Variants in UPP2 observed in about 807,000 individuals in gnomAD.
UPP2 encodes uridine phosphorylase 2, also known as UPase 2.
UPP2 carries 23 observed loss-of-function variants against 26.7 expected under a neutral mutation model. That is an observed-to-expected ratio of 0.86 (90% CI 0.62 to 1.22). The LOEUF is 1.22. Ranked by LOEUF, UPP2 falls within the 50% of genes most tolerant of loss-of-function variation. The pLI, the probability that UPP2 is intolerant of heterozygous loss-of-function variation, is 0.00. For synonymous variants in UPP2, 127 were observed against 141.3 expected, an observed-to-expected ratio of 0.90 and a Z score of 0.72; for missense variants, 387 against 396.7, an observed-to-expected ratio of 0.98 and a Z score of 0.21.
chr2:158,001,585 G>A (rs1445953327), intron 2 of UPP2, among the ~76,000 whole-genome samples: 1 of 152,194 alleles, frequency 6.6e-6, no homozygotes. Context: ...TTGGGGCACA[G>A]AGAAGAGTGA....
At chr2:158,078,838 T>C (rs886512756) in intron 3 of UPP2, among the ~76,000 whole-genome samples, 1 of 152,172 alleles carries the variant, frequency 6.6e-6, no homozygotes, top group African/African-American at 2.4e-5. Flanking sequence ...CCGTTTACCC[T>C]GATGTGGTTA....
intron 4 of UPP2, 22 bp downstream of exon 4, chr2:158,117,960 T>C: frequency 6.4e-7 from 1 of 1,566,466 alleles, no homozygotes; most frequent in Non-Finnish European, 8.8e-7. Context: ...TGATGTCTAC[T>C]ATTAGAACTG....
intron 3 of UPP2, among the ~76,000 whole-genome samples, chr2:158,025,690 A>G (rs1352294473): frequency 6.6e-6 from 1 of 152,228 alleles, no homozygotes; most frequent in Non-Finnish European, 1.5e-5. Context: ...CCAGCAGAGA[A>G]TGCTGGGGAC....
At chr2:158,035,446 G>A (rs1179925489) in intron 3 of UPP2, among the ~76,000 whole-genome samples, 7 of 152,120 alleles carry the variant, frequency 4.6e-5, no homozygotes, top group Admixed American at 2.0e-4. Flanking sequence ...GAGCCACCGC[G>A]CCCGGCCAAG....
Position 158,002,371 on chromosome 2 carries a change from G to A in UPP2, c.61+7112G>A, listed in dbSNP as rs955438486. Among the ~76,000 whole-genome samples the A allele has an allele frequency of 1.6e-4, 25 of 152,332 alleles. 1 individual carries two copies. Among genetic ancestry groups the A allele is most frequent in the East Asian group, 1.9e-4 (1 of 5,178 alleles). On this transcript the variant is annotated intron_variant, in intron 2 of 9. Coordinates refer to the UPP2 transcript ENST00000605860. Reference sequence around the variant, plus strand: ...TGCTGTGGAAGATGAACCAGGGGCCGAGCAGCTACCCATTATCACAGTTAG... The same window carrying A: ...TGCTGTGGAAGATGAACCAGGGGCCAAGCAGCTACCCATTATCACAGTTAG...
intron 2 of UPP2, among the ~76,000 whole-genome samples, chr2:158,004,555 G>T (rs991914427): frequency 6.6e-6 from 1 of 152,206 alleles, no homozygotes; most frequent in East Asian, 1.9e-4. Context: ...GCTGCGACCA[G>T]TCACTATTCA....
chr2:158,108,832 C>G (rs1683249917), intron 2 of UPP2, among the ~76,000 whole-genome samples: 1 of 151,484 alleles, frequency 6.6e-6, no homozygotes, highest in Non-Finnish European at 1.5e-5. Context: ...CATGTTTTAT[C>G]CCATCAAACA....
At chr2:158,064,392 C>T (rs1037875757) in intron 3 of UPP2, among the ~76,000 whole-genome samples, 2 of 151,026 alleles carry the variant, frequency 1.3e-5, no homozygotes, top group African/African-American at 2.4e-5. Flanking sequence ...ACATGAATAT[C>T]TTCTTTTGAG....
At chr2:158,105,480 G>T (rs1043704271) in intron 1 of UPP2, among the ~76,000 whole-genome samples, 1 of 152,320 alleles carries the variant, frequency 6.6e-6, no homozygotes, top group African/African-American at 2.4e-5. Flanking sequence ...TGAGGAGCTT[G>T]CTAGAAATGC....
intron 3 of UPP2, among the ~76,000 whole-genome samples, chr2:158,045,021 C>T (rs1487438761): frequency 6.6e-6 from 1 of 152,170 alleles, no homozygotes; most frequent in African/African-American, 2.4e-5. Context: ...AAATCCTATT[C>T]TTTGCAATTT....
intron 3 of UPP2, among the ~76,000 whole-genome samples, chr2:158,059,634 G>C (rs554562297): frequency 6.6e-6 from 1 of 152,156 alleles, no homozygotes; most frequent in Non-Finnish European, 1.5e-5. Flanking sequence ...TTTGTCTCTG[G>C]GAGGCTGTGT....
At chr2:158,096,288 G>T (rs1294335017) in intron 3 of UPP2, among the ~76,000 whole-genome samples, 1 of 152,174 alleles carries the variant, frequency 6.6e-6, no homozygotes, top group Non-Finnish European at 1.5e-5. Context: ...TGAGAACAAA[G>T]ACCATTATTA....
At chr2:158,004,420 A>G (rs1237018696) in intron 2 of UPP2, among the ~76,000 whole-genome samples, 1 of 152,142 alleles carries the variant, frequency 6.6e-6, no homozygotes, top group Non-Finnish European at 1.5e-5. Context: ...CACCTAATCT[A>G]TGGAAAAATG....
intron 3 of UPP2, among the ~76,000 whole-genome samples, chr2:158,029,597 A>G (rs971808838): frequency 1.4e-4 from 21 of 152,154 alleles, no homozygotes; most frequent in Non-Finnish European, 2.9e-4. Context: ...GACACTTTTG[A>G]GCATAAAAGA....
chr2:158,001,921 G>A (rs1242765769), intron 2 of UPP2, among the ~76,000 whole-genome samples: 1 of 133,732 alleles, frequency 7.5e-6, no homozygotes, highest in Non-Finnish European at 1.5e-5. Context: ...TCCTTGAAGC[G>A]GACAGCTTTT....
At chr2:158,059,942 G>T (rs1025567236) in intron 3 of UPP2, among the ~76,000 whole-genome samples, 11 of 152,086 alleles carry the variant, frequency 7.2e-5, no homozygotes, top group African/African-American at 2.2e-4. Context: ...TCAAGATGTT[G>T]GGAGAATGCA....
At chr2:158,016,666 C>T (rs147546380) in intron 3 of UPP2, among the ~76,000 whole-genome samples, 1 of 152,158 alleles carries the variant, frequency 6.6e-6, no homozygotes, top group East Asian at 1.9e-4. Context: ...TCACCCTAGA[C>T]CATCCCGTCT....
intron 3 of UPP2, among the ~76,000 whole-genome samples, chr2:158,083,568 TA>T (rs1682762915): frequency 6.6e-6 from 1 of 151,388 alleles, no homozygotes; most frequent in South Asian, 2.1e-4. Context: ...GATGGGGGGT[TA>T]GGGGAGGGGT....
chr2:158,054,628 G>A (rs560462725), intron 3 of UPP2, among the ~76,000 whole-genome samples: 59 of 152,086 alleles, frequency 3.9e-4, no homozygotes, highest in Non-Finnish European at 5.3e-4. Context: ...TGTGTACTAA[G>A]GGCTTGCTGG....
Sources: allele counts gnomAD v4.1 joint callset (sites outside exome capture counted in the v4.1 genomes callset), GRCh38; gene constraint gnomAD v4.1.1; transcripts MANE v1.5; gene names NCBI Gene and HGNC (gene_info 2026-07-23, HGNC 2026-07-21).